The following AKAP12 variants were observed in gnomAD, a reference collection of about 807,000 sequenced individuals.
AKAP12 encodes A-kinase anchor protein 12.
In AKAP12, 32 loss-of-function variants were observed where a neutral mutation model predicts 79.9. The ratio of observed to expected loss-of-function variants is 0.40; its 90% CI spans 0.30 to 0.54. The LOEUF is 0.54. Ranked by LOEUF, AKAP12 falls within the 20% of genes least tolerant of loss-of-function variation. The pLI, the probability that AKAP12 is intolerant of heterozygous loss-of-function variation, is 0.48. For synonymous variants in AKAP12, 808 were observed against 857.0 expected (o/e 0.94, Z 1.00); for missense variants, 2,074 against 2,177.0 (o/e 0.95, Z 0.94).
intron 2 of AKAP12, among the ~76,000 whole-genome samples, chr6:151,268,274 A>G (rs1474558434): frequency 6.6e-6 from 1 of 152,098 alleles, no homozygotes; most frequent in East Asian, 1.9e-4. Flanking sequence ...AAAATTAGCC[A>G]GGCGTGGTGG....
chr6:151,287,902 A>G (rs531495839), intron 2 of AKAP12, among the ~76,000 whole-genome samples: 1 of 152,332 alleles, frequency 6.6e-6, no homozygotes, highest in African/African-American at 2.4e-5. Flanking sequence ...GGACGAGTTC[A>G]TGTCCTTTGC....
At position 151,349,533 on chromosome 6, in the gene AKAP12, C is replaced by T. The variant is rs1236509282; in HGVS notation, c.1142C>T (p.Ser381Leu). Reference sequence around the variant, plus strand: ...GAATATGAGAAAGTTGAGCTGCCCTCAGAGGAGCAAGTCAGTGGCTCGCAG... The same window carrying T: ...GAATATGAGAAAGTTGAGCTGCCCTTAGAGGAGCAAGTCAGTGGCTCGCAG... Reference protein sequence around the residue: ...SAEYEKVELPSEEQVSGSQGP... With the variant: ...SAEYEKVELPLEEQVSGSQGP... The change falls in exon 4 of 5, where the codon TCA becomes TTA. Residue 381 changes from serine to leucine, a missense_variant. By Grantham distance (145) the Ser-to-Leu change is moderately radical. This residue lies in a region of AKAP12 where 1,428 missense variants were observed against 1,451.0 expected (regional missense o/e 0.98). Coordinates refer to ENST00000402676, the MANE Select transcript of AKAP12 (RefSeq NM_005100.4). 1.9e-6 allele frequency: 3 copies of T among 1,611,930 alleles called. No individual in the cohort carries two copies. Among genetic ancestry groups the T allele is most frequent in the Non-Finnish European group, 2.5e-6 (3 of 1,179,434 alleles).
intron 2 of AKAP12, among the ~76,000 whole-genome samples, chr6:151,297,705 C>T (rs1776767761): frequency 6.6e-6 from 1 of 151,988 alleles, no homozygotes; most frequent in Non-Finnish European, 1.5e-5. Context: ...GAATGTGTGT[C>T]CTGGGATGTA....
At chr6:151,279,434 T>TGA (rs1562719000) in intron 2 of AKAP12, among the ~76,000 whole-genome samples, 1 of 151,980 alleles carries the variant, frequency 6.6e-6, no homozygotes, top group Admixed American at 6.6e-5. Context: ...TGTGTGTGTG[T>TGA]GATTAACTTA....
At chr6:151,278,959 G>C (rs111946443) in intron 2 of AKAP12, among the ~76,000 whole-genome samples, 1 of 152,202 alleles carries the variant, frequency 6.6e-6, no homozygotes, top group Non-Finnish European at 1.5e-5. Context: ...GAGCCACCGC[G>C]CCCGGCGGTA....
chr6:151,353,813 T>G, intron 4 of AKAP12, 61 bp downstream of exon 4: 1 of 1,207,008 alleles, frequency 8.3e-7, no homozygotes, highest in Non-Finnish European at 1.1e-6. Flanking sequence ...GGCAAATTTG[T>G]TACATAAGGA....
rs1221187614 is a variant in AKAP12 at position 151,351,668 on chromosome 6, G to C, written c.3277G>C (p.Val1093Leu). ...ASGLKKETDV[V>L]LKVDAQEAKT... ...GGGTCTGAAGAAAGAGACGGATGTA[G>C]TGTTGAAAGTAGATGCTCAGGAGGC... Residue 1093 changes from valine to leucine, a missense_variant, in exon 4 of 5, where the codon GTG becomes CTG. Coordinates refer to ENST00000402676, the MANE Select transcript of AKAP12 (RefSeq NM_005100.4). This position sits in a 1 kb window ranked among gnomAD's most constrained non-coding sequence, Gnocchi z 4.4. 1.2e-6 allele frequency: 2 copies of C among 1,614,222 alleles called. No homozygotes were observed. The highest frequency in any genetic ancestry group is 2.2e-5 in the South Asian group (2 of 91,082).
chr6:151,249,843 TG>T (rs1797141506), intron 2 of AKAP12, among the ~76,000 whole-genome samples: 1 of 152,220 alleles, frequency 6.6e-6, no homozygotes, highest in Non-Finnish European at 1.5e-5. Flanking sequence ...AGCAAGCCCA[TG>T]GTTTAAAATA....
chr6:151,332,124 C>T (rs1014569365), intron 3 of AKAP12, among the ~76,000 whole-genome samples: 1 of 149,990 alleles, frequency 6.7e-6, no homozygotes, highest in African/African-American at 2.5e-5. Flanking sequence ...GCAGCCTCCG[C>T]CTCCCAGGTT....
chr6:151,252,670 G>C (rs1797204650), intron 2 of AKAP12, among the ~76,000 whole-genome samples: 1 of 140,252 alleles, frequency 7.1e-6, no homozygotes, highest in South Asian at 2.3e-4. Context: ...AAGGTGGGAA[G>C]ATCATTTGAC....
At chr6:151,303,434 A>G (rs770231891) in intron 2 of AKAP12, among the ~76,000 whole-genome samples, 1 of 152,240 alleles carries the variant, frequency 6.6e-6, no homozygotes, top group Non-Finnish European at 1.5e-5. Context: ...TGTAAGTATT[A>G]AACTACAGTG....
intron 2 of AKAP12, among the ~76,000 whole-genome samples, chr6:151,296,634 G>A (rs144034446): frequency 6.6e-5 from 10 of 152,096 alleles, no homozygotes; most frequent in South Asian, 2.1e-4. Flanking sequence ...AAAATTAGCC[G>A]AGTGTGGTGG....
At chr6:151,242,214 G>A (rs1402315395) in intron 2 of AKAP12, among the ~76,000 whole-genome samples, 1 of 152,174 alleles carries the variant, frequency 6.6e-6, no homozygotes, top group Non-Finnish European at 1.5e-5. Flanking sequence ...GCAGTTGGGT[G>A]ACATTCCCCC....
chr6:151,248,786 A>T (rs1023771130), intron 2 of AKAP12, among the ~76,000 whole-genome samples: 1 of 152,130 alleles, frequency 6.6e-6, no homozygotes, highest in East Asian at 1.9e-4. Flanking sequence ...TCAGCAGTTC[A>T]AGACCAGCCT....
rs959418310 is a variant in AKAP12 at position 151,353,246 on chromosome 6, G to C, written c.4855G>C (p.Glu1619Gln). 4 of 1,614,200 alleles carry C rather than the reference G, an allele frequency of 2.5e-6. No homozygotes were observed. Among genetic ancestry groups the C allele is most frequent in the Admixed American group, 1.7e-5 (1 of 60,030 alleles). ...AATTACTTCAGCCAAAGAGGAGTCA[G>C]AGTCAACCGCAGTGGGACAAGCACA... Reference protein sequence around the residue: ...TPITSAKEESESTAVGQAHSD... With the variant: ...TPITSAKEESQSTAVGQAHSD... The change falls in exon 4 of 5, where the codon GAG (glutamate) becomes CAG (glutamine). Residue 1619 changes from glutamate to glutamine, a missense_variant. Glu to Gln is a conservative substitution (Grantham distance 29). This residue lies in a region of AKAP12 where 614 missense variants were observed against 665.6 expected (regional missense o/e 0.92). Coordinates refer to ENST00000402676, the MANE Select transcript of AKAP12 (RefSeq NM_005100.4).
chr6:151,290,870 G>A lies in AKAP12; in HGVS notation c.163-14877G>A, dbSNP rs528126884. ...GATGATCCGCCCGCCTCGGCCTACC[G>A]AAGTGCTGGGATTACAGGCGTGAGC... On this transcript the variant is annotated intron_variant, in intron 2 of 4. Coordinates refer to ENST00000402676, the MANE Select transcript of AKAP12 (RefSeq NM_005100.4). Among the ~76,000 whole-genome samples the A allele has an allele frequency of 3.3e-5, 5 of 152,212 alleles. No individual in the cohort carries two copies. The East Asian group carries it at 9.7e-4, about 29-fold the overall frequency.
intron 2 of AKAP12, among the ~76,000 whole-genome samples, chr6:151,257,658 A>G (rs931896737): frequency 1.3e-5 from 2 of 152,242 alleles, no homozygotes; most frequent in East Asian, 1.9e-4. Context: ...CTTAATTCGC[A>G]TAGGATAATG....
intron 2 of AKAP12, among the ~76,000 whole-genome samples, chr6:151,250,707 G>A (rs111824100): frequency 0.07 from 10,491 of 150,284 alleles, 479 homozygotes; most frequent in East Asian, 0.12. Flanking sequence ...CCGGGTTCAC[G>A]CCATTCTCCT....
intron 2 of AKAP12, among the ~76,000 whole-genome samples, chr6:151,282,122 C>T (rs891618149): frequency 1.3e-5 from 2 of 151,898 alleles, no homozygotes; most frequent in Admixed American, 1.3e-4. Context: ...CTTGCTCTGT[C>T]GCCCAGGCTG....
Sources: allele counts gnomAD v4.1 joint callset (sites outside exome capture counted in the v4.1 genomes callset), GRCh38; gene constraint gnomAD v4.1.1; regional missense constraint gnomAD v4.1.1; non-coding constraint Gnocchi (gnomAD v3.1); transcripts MANE v1.5; gene names NCBI Gene and HGNC (gene_info 2026-07-23, HGNC 2026-07-21).